Variants in KIF16B observed in about 807,000 individuals in gnomAD.
KIF16B encodes kinesin family member 16B.
A neutral mutation model predicts 156.3 loss-of-function variants in KIF16B; 98 were observed. That is an observed-to-expected ratio of 0.63 (90% CI 0.53 to 0.74). The LOEUF (loss-of-function observed/expected upper bound fraction) is 0.74, where lower values mean the gene tolerates loss of function less well. Among genes scored for constraint, KIF16B ranks in the 30% least tolerant of loss-of-function variants. KIF16B has a pLI of 0.00. For missense variants in KIF16B, 1,421 were observed against 1,606.5 expected (o/e 0.88, Z 1.97); for synonymous variants, 564 against 583.7 (o/e 0.97, Z 0.49).
intron 1 of KIF16B, among the ~76,000 whole-genome samples, chr20:16,542,636 G>C: frequency 6.6e-6 from 1 of 152,204 alleles, no homozygotes; most frequent in South Asian, 2.1e-4. Context: ...TAAAGGCCCT[G>C]AGGCAAGAAC....
intron 17 of KIF16B, among the ~76,000 whole-genome samples, chr20:16,402,082 C>T (rs958796053): frequency 7.2e-5 from 11 of 152,054 alleles, no homozygotes; most frequent in Admixed American, 4.6e-4. Context: ...TTACTATATC[C>T]CATCTACTCT....
intron 3 of KIF16B, among the ~76,000 whole-genome samples, chr20:16,516,432 T>G (rs1008307607): frequency 1.4e-4 from 22 of 152,206 alleles, no homozygotes; most frequent in African/African-American, 5.3e-4. Flanking sequence ...GTCTTAGTTA[T>G]AGCCAGCTGG....
At chr20:16,468,870 T>A (rs1261339110) in intron 12 of KIF16B, among the ~76,000 whole-genome samples, 1 of 152,098 alleles carries the variant, frequency 6.6e-6, no homozygotes, top group African/African-American at 2.4e-5. Flanking sequence ...GACTACTTCA[T>A]CCAACAACAG....
chr20:16,364,135 A>G (rs2064607660), intron 22 of KIF16B, among the ~76,000 whole-genome samples: 1 of 152,228 alleles, frequency 6.6e-6, no homozygotes, highest in Non-Finnish European at 1.5e-5. Flanking sequence ...ACTCTCTTCC[A>G]AAGGGATGCA....
intron 1 of KIF16B, among the ~76,000 whole-genome samples, chr20:16,558,819 G>A (rs55987246): frequency 0.28 from 41,315 of 147,832 alleles, 5,720 homozygotes; most frequent in East Asian, 0.43. Flanking sequence ...CACAAGAATC[G>A]CCTGAACCTG....
chr20:16,566,712 C>T (rs1159591163), intron 1 of KIF16B, among the ~76,000 whole-genome samples: 1 of 152,150 alleles, frequency 6.6e-6, no homozygotes, highest in Non-Finnish European at 1.5e-5. Context: ...GGAATTCAAG[C>T]CTTTATTCAG....
intron 23 of KIF16B, among the ~76,000 whole-genome samples, chr20:16,343,624 A>G (rs555074013): frequency 6.6e-6 from 1 of 152,382 alleles, no homozygotes; most frequent in East Asian, 1.9e-4. Flanking sequence ...AAGCTTAGGC[A>G]GTGACATAAC....
rs946512528 is a variant in KIF16B at position 16,472,780 on chromosome 20, C to T, written c.1302+21511G>A. The stretch of plus-strand genomic sequence containing the variant: ...CCTGCCTACTGACTTTGCATTCTGC[C>T]CTTGTCAACCTATTCTATGTGCCAC... On this transcript the variant is annotated intron_variant, in intron 12 of 25. Coordinates refer to ENST00000354981, the MANE Select transcript of KIF16B (RefSeq NM_024704.5). Among the ~76,000 whole-genome samples, 4 of 152,234 alleles carry T rather than the reference C, an allele frequency of 2.6e-5. No individual in the cohort carries two copies. In the South Asian group the frequency reaches 6.2e-4, roughly 24 times the overall value.
At chr20:16,461,979 T>C (rs2067356920) in intron 12 of KIF16B, among the ~76,000 whole-genome samples, 1 of 152,182 alleles carries the variant, frequency 6.6e-6, no homozygotes, top group South Asian at 2.1e-4. Context: ...CCGGGCATGG[T>C]AGCTCACATC....
In KIF16B at chr20:16,291,719, T is replaced by C. The variant is rs78794357; in HGVS notation, c.3796-18308A>G. On this transcript the variant is annotated intron_variant, in intron 25 of 25. Transcript: ENST00000354981. ...ACATTGCCTTTCAAAGTAAGAAATG[T>C]CAGTATGTATTGACTAAGCTATTAC... 1.3e-4 allele frequency among the ~76,000 whole-genome samples: 20 copies of C among 152,302 alleles called. No individual in the cohort carries two copies. The East Asian group carries it at 3.7e-3, about 28-fold the overall frequency.
At position 16,390,114 on chromosome 20, in the gene KIF16B, G is replaced by A. The variant is rs369563240; in HGVS notation, c.1785-8367C>T. Among the ~76,000 whole-genome samples, 13 of 152,168 alleles carry A rather than the reference G, an allele frequency of 8.5e-5. No individual in the cohort carries two copies. In the South Asian group the frequency reaches 2.5e-3, roughly 29 times the overall value. On this transcript the variant is annotated intron_variant, in intron 17 of 25. Transcript: ENST00000354981. ...TGAAATTAAACCCTCTTAAGTAAAC[G>A]TCAGAGTTTATAACTTAAAAATTCA... is the stretch of plus-strand genomic sequence containing the variant.
chr20:16,351,774 G>A (rs1306363727), intron 23 of KIF16B, among the ~76,000 whole-genome samples: 1 of 152,192 alleles, frequency 6.6e-6, no homozygotes, highest in African/African-American at 2.4e-5. Context: ...TTGATACTCT[G>A]ACCCAGGGTC....
At chr20:16,450,430 T>A (rs2067048588) in intron 12 of KIF16B, among the ~76,000 whole-genome samples, 1 of 152,130 alleles carries the variant, frequency 6.6e-6, no homozygotes, top group Non-Finnish European at 1.5e-5. Context: ...GTTGGCAAAG[T>A]TCTACCGCAA....
At position 16,273,377 on chromosome 20, in the gene KIF16B, T is replaced by G. The variant is rs2063010658; in HGVS notation, c.3830A>C (p.Gln1277Pro). ...GATGTGGAGGGGAGATGTTGCGGAC[T>G]GGAGCATCACGCTGAAAAAGTCCCT... Reference protein sequence around the residue: ...YLRDFFSVMLQSATSPLHINK... With the variant: ...YLRDFFSVMLPSATSPLHINK... Residue 1277 changes from glutamine (Q) to proline (P), a missense_variant, in exon 26 of 26, where the codon CAG (glutamine) becomes CCG (proline). Transcript: ENST00000354981. 1 of 1,613,972 alleles carries G rather than the reference T, an allele frequency of 6.2e-7. No individual in the cohort carries two copies. Among genetic ancestry groups the G allele is most frequent in the Admixed American group, 1.7e-5 (1 of 59,998 alleles).
At chr20:16,280,841 C>CGCGTGTGTGTGTGTGT (rs112026824) in intron 25 of KIF16B, among the ~76,000 whole-genome samples, 4,950 of 74,352 alleles carry the variant, frequency 0.067, 109 homozygotes, top group African/African-American at 0.068. Context: ...TGCGCGCGCA[C>CGCGTGTGTGTGTGTGT]GTGTGTGTGT....
Position 16,379,166 on chromosome 20 carries a change from C to T in KIF16B, c.2836G>A (p.Glu946Lys). The T allele has an allele frequency of 6.2e-7, 1 of 1,614,144 alleles. No homozygotes were observed. Among genetic ancestry groups the T allele is most frequent in the Non-Finnish European group, 8.5e-7 (1 of 1,180,018 alleles). Residue 946 changes from glutamate (E) to lysine (K), a missense_variant, in exon 19 of 26, where the codon GAA becomes AAA. Coordinates refer to ENST00000354981, the MANE Select transcript of KIF16B (RefSeq NM_024704.5). ...TCTTCTTTTTCTTCCATTTCCTTTT[C>T]TACTTGATAAAGAGTGTTGTCTAAG... is the stretch of plus-strand genomic sequence containing the variant. Reference protein sequence around the residue: ...LSLDNTLYQVEKEMEEKEEQL... With the variant: ...LSLDNTLYQVKKEMEEKEEQL...
At chr20:16,555,427 A>G (rs562365243) in intron 1 of KIF16B, among the ~76,000 whole-genome samples, 2 of 152,288 alleles carry the variant, frequency 1.3e-5, no homozygotes, top group African/African-American at 4.8e-5. Flanking sequence ...CACACTCTGC[A>G]CTGTACTGGG....
intron 17 of KIF16B, among the ~76,000 whole-genome samples, chr20:16,394,991 T>C (rs1195120423): frequency 6.6e-6 from 1 of 151,632 alleles, no homozygotes; most frequent in Non-Finnish European, 1.5e-5. Context: ...GTTCCAGGTA[T>C]GCTGCTGTGC....
intron 17 of KIF16B, among the ~76,000 whole-genome samples, chr20:16,403,074 C>T (rs1264849291): frequency 6.6e-6 from 1 of 152,132 alleles, no homozygotes; most frequent in Non-Finnish European, 1.5e-5. Flanking sequence ...CATTGAATAG[C>T]CATATTACAT....
Sources: allele counts gnomAD v4.1 joint callset (sites outside exome capture counted in the v4.1 genomes callset), GRCh38; gene constraint gnomAD v4.1.1; transcripts MANE v1.5; gene names NCBI Gene and HGNC (gene_info 2026-07-23, HGNC 2026-07-21).